Variants in DFFB observed in about 807,000 individuals in gnomAD.
DFFB encodes DNA fragmentation factor subunit beta, also known as DNA fragmentation factor 40 kDa subunit.
Under a neutral mutation model 32.7 loss-of-function variants are expected in DFFB, and 29 were observed. That is an observed-to-expected ratio of 0.89 (90% CI 0.66 to 1.21). The LOEUF (loss-of-function observed/expected upper bound fraction) is 1.21, where lower values mean the gene tolerates loss of function less well. Ranked by LOEUF, DFFB falls within the 50% of genes most tolerant of loss-of-function variation. The pLI is 0.00. For synonymous variants in DFFB, 170 were observed against 177.1 expected, an observed-to-expected ratio of 0.96 and a Z score of 0.32; for missense variants, 398 against 440.6, an observed-to-expected ratio of 0.90 and a Z score of 0.87.
chr1:3,885,279 C>T lies in DFFB; in HGVS notation c.*1538C>T, dbSNP rs1638350466. On this transcript the variant is annotated 3_prime_UTR_variant, in exon 7 of 7. Coordinates refer to ENST00000378209, the MANE Select transcript of DFFB (RefSeq NM_004402.4). The stretch of plus-strand genomic sequence containing the variant: ...ATTACAGAGGGCTCATTTTCTACGT[C>T]ATGTATTTTATGATACTTGAATTTT... 1 of 152,102 alleles carries T rather than the reference C, an allele frequency of 6.6e-6. No homozygotes were observed. Among genetic ancestry groups the T allele is most frequent in the Non-Finnish European group, 1.5e-5 (1 of 68,034 alleles). 9.4% of individuals were successfully genotyped at this position (152,102 alleles called of 1,614,324 possible). A position where few individuals can be genotyped will look rare whatever the true frequency, so the allele number is the denominator to read the frequency against.
intron 2 of DFFB, among the ~76,000 whole-genome samples, chr1:3,859,546 A>C (rs1160616577): frequency 6.6e-6 from 1 of 152,194 alleles, no homozygotes; most frequent in Non-Finnish European, 1.5e-5. Flanking sequence ...CTGGCAGCCC[A>C]GGAAGGACAT....
rs573974985 is a variant in DFFB, at chr1:3,872,742, C to T, written c.782+170C>T. 2.3e-4 allele frequency among the ~76,000 whole-genome samples: 35 copies of T among 152,294 alleles called. 1 individual carries two copies. In the South Asian group the frequency reaches 5.6e-3, roughly 24 times the overall value. On this transcript the variant is annotated intron_variant, in intron 6 of 6. Transcript: ENST00000378209. ...GTGTTACAGCCCAGGGAAGGGGTACCTGATGGCAGCATAGGGGGCTGCTGA... is the reference window on the plus strand; with the variant it reads ...GTGTTACAGCCCAGGGAAGGGGTACTTGATGGCAGCATAGGGGGCTGCTGA...
rs757325797 is a variant in DFFB at position 3,869,611 on chromosome 1, T to C, written c.517T>C (p.Ser173Pro). ...RIRSYLREVS[S>P]YPSTVGAEAQ... ...CGTTCCTTGGTTCCTCCAGGTGAGC[T>C]CCTACCCCTCCACGGTGGGTGCGGA... Residue 173 changes from serine to proline, a missense_variant, in exon 5 of 7, where the codon TCC becomes CCC. Physicochemically the swap from Ser to Pro is moderately conservative, Grantham distance 74. Transcript: ENST00000378209. The C allele has an allele frequency of 4.8e-5, 78 of 1,610,036 alleles. No individual in the cohort carries two copies. Among genetic ancestry groups the C allele is most frequent in the Non-Finnish European group, 8.5e-6 (10 of 1,178,588 alleles).
rs145211499 is a variant in DFFB at position 3,869,304 on chromosome 1, G to C, written c.511-301G>C. On this transcript the variant is annotated intron_variant, in intron 4 of 6. Coordinates refer to ENST00000378209, the MANE Select transcript of DFFB (RefSeq NM_004402.4). ...TCAAACTCCTGACCTCAAGTGATCCGCCCACCTCGGCCTCCCAGAGTGCTG... is the reference window on the plus strand; with the variant it reads ...TCAAACTCCTGACCTCAAGTGATCCCCCCACCTCGGCCTCCCAGAGTGCTG... Among the ~76,000 whole-genome samples, 368 of 152,260 alleles carry C rather than the reference G, an allele frequency of 2.4e-3. 1 individual carries two copies. The highest frequency in any genetic ancestry group is 0.02 in the Middle Eastern group (6 of 294).
intron 2 of DFFB, 113 bp downstream of exon 2, chr1:3,858,957 T>G: frequency 1.4e-6 from 2 of 1,461,956 alleles, no homozygotes; most frequent in East Asian, 2.4e-5. Context: ...CTGTGAACTC[T>G]CGGGTCTCAA....
intron 6 of DFFB, among the ~76,000 whole-genome samples, chr1:3,882,825 C>T (rs1032882288): frequency 3.9e-5 from 6 of 152,112 alleles, no homozygotes; most frequent in Non-Finnish European, 8.8e-5. Context: ...CTTTGTAAGG[C>T]TCTGTTTGTA....
chr1:3,865,540 A>T lies in DFFB; in HGVS notation c.242-272A>T. Reference sequence around the variant, plus strand: ...GTATGGTTTGGAGGGGAGGAGGCCAAATGGGAAAGCGGCCGTCTCTTGGTG... The same window carrying T: ...GTATGGTTTGGAGGGGAGGAGGCCATATGGGAAAGCGGCCGTCTCTTGGTG... On this transcript the variant is annotated intron_variant, in intron 2 of 6. Transcript: ENST00000378209. The surrounding 1 kb of genome is among the most constrained non-coding windows in gnomAD (Gnocchi z 4.7). 1 of 581,878 alleles carries T rather than the reference A, an allele frequency of 1.7e-6. No individual in the cohort carries two copies. Among genetic ancestry groups the T allele is most frequent in the East Asian group, 3.0e-5 (1 of 33,616 alleles). The allele number at this position is 581,878 out of a possible 1,614,324, so 36.0% of individuals were successfully genotyped here. A position where few individuals can be genotyped will look rare whatever the true frequency, so the allele number is the denominator to read the frequency against.
rs762598482 is a variant in DFFB at position 3,868,041 on chromosome 1, T to A, written c.498T>A (p.Ser166Arg). The change falls in exon 4 of 7, where the codon AGT becomes AGA. Residue 166 changes from serine (S) to arginine (R), a missense_variant. Coordinates refer to ENST00000378209, the MANE Select transcript of DFFB (RefSeq NM_004402.4). ...ACAGCTGTGAGAGCCGGATCCGGAG[T>A]TACCTGAGGGAGGTGAGCCTGAGTG... ...LRYSCESRIR[S>R]YLREVSSYPS... 1.2e-6 allele frequency: 2 copies of A among 1,613,870 alleles called. No individual in the cohort carries two copies. Among genetic ancestry groups the A allele is most frequent in the Non-Finnish European group, 1.7e-6 (2 of 1,179,942 alleles).
At chr1:3,882,197 C>T (rs1166351110) in intron 6 of DFFB, among the ~76,000 whole-genome samples, 10 of 151,692 alleles carry the variant, frequency 6.6e-5, no homozygotes, top group South Asian at 4.2e-4. Context: ...GGATTACAGG[C>T]GTGCGCCACT....
chr1:3,862,582 T>G lies in DFFB; in HGVS notation c.242-3230T>G, dbSNP rs1644898961. Among the ~76,000 whole-genome samples the G allele has an allele frequency of 3.3e-5, 5 of 152,122 alleles. No homozygotes were observed. The South Asian group carries it at 1.0e-3, about 32-fold the overall frequency. On this transcript the variant is annotated intron_variant, in intron 2 of 6. Coordinates refer to ENST00000378209, the MANE Select transcript of DFFB (RefSeq NM_004402.4). ...ATCTGTGGTCAGGATGCCAGGACCATTCAACGGAGGGGGAAGAGTAGTATC... is the reference window on the plus strand; with the variant it reads ...ATCTGTGGTCAGGATGCCAGGACCAGTCAACGGAGGGGGAAGAGTAGTATC...
chr1:3,867,531 C>T (rs766030415), intron 3 of DFFB: 16 of 158,774 alleles, frequency 1.0e-4, no homozygotes, highest in Non-Finnish European at 1.8e-4. Flanking sequence ...GGGATGCTGT[C>T]TGTGTCGCCA....
At chr1:3,863,080 T>C (rs4475689) in intron 2 of DFFB, among the ~76,000 whole-genome samples, 132,029 of 152,084 alleles carry the variant, frequency 0.87, 58,073 homozygotes, top group Middle Eastern at 0.95. Context: ...ACCGGGGAGG[T>C]GGAGGCTGCA....
At chr1:3,872,598 C>G in intron 6 of DFFB, 26 bp downstream of exon 6, 1 of 1,473,732 alleles carries the variant, frequency 6.8e-7, no homozygotes, top group Non-Finnish European at 9.2e-7. Flanking sequence ...GAGGTTCAGA[C>G]CCACGAGTGC....
intron 6 of DFFB, among the ~76,000 whole-genome samples, chr1:3,877,623 C>T (rs988307939): frequency 6.6e-6 from 1 of 152,210 alleles, no homozygotes; most frequent in Non-Finnish European, 1.5e-5. Context: ...AGCCACCGCG[C>T]CTGGCTGGAG....
chr1:3,863,274 ACAGGAAAAGGTG>A lies in DFFB; in HGVS notation c.242-2536_242-2525del, dbSNP rs541238121. ...GGAAGATATTCAAGTGGTCGTAAGC[ACAGGAAAAGGTG>A]CTTGAGATCATCAGTCGTCAGGGAA... On this transcript the variant is annotated intron_variant, in intron 2 of 6. Coordinates refer to ENST00000378209, the MANE Select transcript of DFFB (RefSeq NM_004402.4). 1.4e-3 allele frequency among the ~76,000 whole-genome samples: 213 copies of A among 152,350 alleles called. 1 individual carries two copies. Among genetic ancestry groups the A allele is most frequent in the African/African-American group, 4.0e-3 (168 of 41,584 alleles).
intron 6 of DFFB, among the ~76,000 whole-genome samples, chr1:3,880,272 C>T (rs1285212982): frequency 1.6e-4 from 24 of 152,178 alleles, no homozygotes; most frequent in Non-Finnish European, 4.4e-5. Context: ...GTAGGGCTGG[C>T]CATGACCCCA....
At chr1:3,883,442 T>C (rs1287012001) in intron 6 of DFFB, 65 bp from the exon 7 acceptor site, 13 of 1,437,726 alleles carry the variant, frequency 9.0e-6, no homozygotes, top group Admixed American at 5.2e-5. Flanking sequence ...TGCAATACAC[T>C]GCTATGACCT....
At chr1:3,871,878 G>A (rs1245971875) in intron 5 of DFFB, among the ~76,000 whole-genome samples, 3 of 152,148 alleles carry the variant, frequency 2.0e-5, no homozygotes, top group Non-Finnish European at 2.9e-5. Flanking sequence ...TCTCACGTGC[G>A]GGGAGCAGGA....
At chr1:3,857,948 C>T (rs1644787192) in intron 1 of DFFB, among the ~76,000 whole-genome samples, 1 of 152,172 alleles carries the variant, frequency 6.6e-6, no homozygotes, top group Non-Finnish European at 1.5e-5. Context: ...CTCTTCCCAC[C>T]TCTCGGGCAG....
Sources: gnomAD v4.1 joint callset for allele counts (sites outside exome capture counted in the v4.1 genomes callset) on GRCh38, gnomAD v4.1.1 for gene constraint, Gnocchi (gnomAD v3.1) non-coding constraint, MANE v1.5 for transcripts, NCBI Gene and HGNC (gene_info 2026-07-23, HGNC 2026-07-21) for gene names.